The following SUGCT variants were observed in gnomAD, a reference collection of about 807,000 sequenced individuals.
SUGCT encodes succinyl-CoA:glutarate-CoA transferase.
Under a neutral mutation model 55.0 loss-of-function variants are expected in SUGCT, and 41 were observed. The observed-to-expected ratio is 0.74, with a 90% CI of 0.58 to 0.97. The LOEUF is 0.97. Ranked by LOEUF, SUGCT falls within the 50% of genes least tolerant of loss-of-function variation. SUGCT has a pLI of 0.00. For missense variants in SUGCT, 568 were observed against 547.8 expected (o/e 1.04, Z -0.37); for synonymous variants, 187 against 200.4 (o/e 0.93, Z 0.56).
chr7:40,423,756 A>G (rs902194794), intron 9 of SUGCT, among the ~76,000 whole-genome samples: 36 of 152,162 alleles, frequency 2.4e-4, no homozygotes, highest in Non-Finnish European at 4.4e-4. Flanking sequence ...GGTAATGGAA[A>G]ATTAATGTTG....
At chr7:40,977,130 C>G in the SUGCT span, among the ~76,000 whole-genome samples, 1 of 152,176 alleles carries the variant, frequency 6.6e-6, no homozygotes, top group East Asian at 1.9e-4. Context: ...GAGATGGAGA[C>G]CTGAACACAC....
At chr7:40,830,367 C>T (rs34565813) in intron 13 of SUGCT, among the ~76,000 whole-genome samples, 30,650 of 152,078 alleles carry the variant, frequency 0.2, 3,476 homozygotes, top group East Asian at 0.51. Context: ...CCTCCCCTGT[C>T]CATGCCCCGT....
intron 6 of SUGCT, among the ~76,000 whole-genome samples, chr7:40,222,843 T>A (rs1788090810): frequency 6.6e-6 from 1 of 152,138 alleles, no homozygotes; most frequent in African/African-American, 2.4e-5. Flanking sequence ...TTGACCAGGA[T>A]GGTCTCGATC....
chr7:40,965,620 A>G, the SUGCT span: 10 of 152,336 alleles, frequency 6.6e-5, no homozygotes, highest in Non-Finnish European at 1.0e-4. Flanking sequence ...TTAAAGTACT[A>G]TATATTCATA....
intron 12 of SUGCT, among the ~76,000 whole-genome samples, chr7:40,579,711 G>A (rs1410577247): frequency 6.6e-6 from 1 of 152,154 alleles, no homozygotes; most frequent in African/African-American, 2.4e-5. Context: ...TTTAAATGAA[G>A]GAGGAACTTT....
chr7:40,360,435 A>G (rs2151220197), intron 9 of SUGCT, among the ~76,000 whole-genome samples: 1 of 152,374 alleles, frequency 6.6e-6, no homozygotes, highest in Admixed American at 6.5e-5. Context: ...TTATTAATTC[A>G]TGATTTCAAC....
chr7:40,760,383 G>GAGT (rs1348517560), intron 13 of SUGCT, among the ~76,000 whole-genome samples: 3 of 152,158 alleles, frequency 2.0e-5, no homozygotes, highest in African/African-American at 7.2e-5. Context: ...AAGGTACTTA[G>GAGT]AGTAGTCAAG....
intron 12 of SUGCT, among the ~76,000 whole-genome samples, chr7:40,650,669 G>T (rs570644113): frequency 1.3e-5 from 2 of 152,104 alleles, no homozygotes; most frequent in Non-Finnish European, 2.9e-5. Context: ...ATCAAAATTT[G>T]TTGCCTCATA....
chr7:40,424,107 G>A (rs1024745358), intron 9 of SUGCT, among the ~76,000 whole-genome samples: 13 of 152,062 alleles, frequency 8.5e-5, no homozygotes, highest in East Asian at 1.9e-4. Flanking sequence ...ATACTCTGCC[G>A]TGGTTGGATA....
chr7:40,739,066 A>AT (rs1373049631), intron 12 of SUGCT, among the ~76,000 whole-genome samples: 1 of 152,212 alleles, frequency 6.6e-6, no homozygotes, highest in Non-Finnish European at 1.5e-5. Flanking sequence ...ACATGCAGTG[A>AT]TAAGAAATAA....
In SUGCT at chr7:40,689,025, A is replaced by C. The variant is rs79913198; in HGVS notation, c.1090-60409A>C. ...AAATATGGTAGGTTTTACATTGACT[A>C]TTGCTGGTTCAGTTTATCAAGGAAG... On this transcript the variant is annotated intron_variant, in intron 12 of 13. Transcript: ENST00000335693. Among the ~76,000 whole-genome samples, 58 of 152,272 alleles carry C rather than the reference A, an allele frequency of 3.8e-4. 1 individual carries two copies. The East Asian group carries it at 9.5e-3, about 25-fold the overall frequency.
At chr7:40,925,677 C>G in the SUGCT span, among the ~76,000 whole-genome samples, 1 of 152,012 alleles carries the variant, frequency 6.6e-6, no homozygotes, top group Non-Finnish European at 1.5e-5. Context: ...AACCGGATAC[C>G]AAGATAAGAA....
chr7:40,513,984 A>G (rs1583871087), intron 12 of SUGCT, among the ~76,000 whole-genome samples: 1 of 151,314 alleles, frequency 6.6e-6, no homozygotes, highest in Non-Finnish European at 1.5e-5. Context: ...TGTAGACAGG[A>G]TTTCACTGTG....
chr7:40,208,840 C>T (rs533370789), intron 6 of SUGCT, among the ~76,000 whole-genome samples: 4 of 152,224 alleles, frequency 2.6e-5, no homozygotes, highest in East Asian at 1.9e-4. Context: ...CCACTGCACC[C>T]GACTGATTCT....
intron 1 of SUGCT, among the ~76,000 whole-genome samples, chr7:40,147,444 C>T (rs1788314099): frequency 6.6e-6 from 1 of 152,228 alleles, no homozygotes; most frequent in South Asian, 2.1e-4. Flanking sequence ...CTGTGGCTTT[C>T]TTTCCCTAGT....
At chr7:40,624,635 C>A (rs183376893) in intron 12 of SUGCT, among the ~76,000 whole-genome samples, 2 of 152,022 alleles carry the variant, frequency 1.3e-5, no homozygotes, top group Non-Finnish European at 2.9e-5. Flanking sequence ...CCTCTATATG[C>A]GGTTTTAAAC....
intron 6 of SUGCT, among the ~76,000 whole-genome samples, chr7:40,219,141 A>G (rs1787877543): frequency 1.3e-5 from 2 of 152,162 alleles, no homozygotes; most frequent in Non-Finnish European, 2.9e-5. Flanking sequence ...TATGAGCTAT[A>G]ACACTCATGG....
chr7:40,771,296 G>A (rs1789091797), intron 13 of SUGCT, among the ~76,000 whole-genome samples: 1 of 152,128 alleles, frequency 6.6e-6, no homozygotes, highest in Admixed American at 6.6e-5. Context: ...CAGATTGTGT[G>A]TGGATCACAA....
At chr7:40,192,773 A>T in intron 5 of SUGCT, among the ~76,000 whole-genome samples, 2 of 151,392 alleles carry the variant, frequency 1.3e-5, no homozygotes, top group Admixed American at 6.6e-5. Context: ...CTGGGACTTC[A>T]GGTGCCCACC....
Sources: allele counts gnomAD v4.1 joint callset (sites outside exome capture counted in the v4.1 genomes callset), GRCh38; gene constraint gnomAD v4.1.1; transcripts MANE v1.5; gene names NCBI Gene and HGNC (gene_info 2026-07-23, HGNC 2026-07-21).